CCNB3: variants seen among roughly 807,000 people sequenced by gnomAD.
The protein encoded by CCNB3 is G2/mitotic-specific cyclin-B3.
In CCNB3, 12 loss-of-function variants were observed where a neutral mutation model predicts 68.0. The observed-to-expected ratio is 0.18, with a 90% CI of 0.11 to 0.29. The LOEUF (loss-of-function observed/expected upper bound fraction) is 0.29. CCNB3 is among the 10% of genes least tolerant of loss of function. CCNB3 has a pLI of 1.00. For missense variants in CCNB3, 904 were observed against 993.1 expected, an observed-to-expected ratio of 0.91 and a Z score of 1.21; for synonymous variants, 354 against 388.9, an observed-to-expected ratio of 0.91 and a Z score of 1.06.
At chrX:50,306,500 T>G (rs1921081834) in intron 5 of CCNB3, among the ~76,000 whole-genome samples, 1 of 112,053 alleles carries the variant, frequency 8.9e-6, no homozygotes, top group Admixed American at 9.5e-5. Flanking sequence ...ACCTCTAGTA[T>G]AATGTTGAAT....
chrX:50,327,724 G>A (rs940875623), intron 8 of CCNB3, among the ~76,000 whole-genome samples: 5 of 111,642 alleles, frequency 4.5e-5, no homozygotes, highest in Non-Finnish European at 7.5e-5. Context: ...GCATGAGCTC[G>A]TCCCATCCCT....
rs782795247 is a variant in CCNB3, at chrX:50,302,009, C to T, written c.336-6496C>T. Among the ~76,000 whole-genome samples the T allele has an allele frequency of 1.7e-3, 196 of 112,522 alleles. 1 individual carries two copies. The highest frequency in any genetic ancestry group is 3.3e-3 in the Admixed American group (35 of 10,702). On this transcript the variant is annotated intron_variant, in intron 5 of 12. Coordinates refer to ENST00000376042, the MANE Select transcript of CCNB3 (RefSeq NM_033031.3). ...AGCGCAGTATTAGGGTGGGAGTGAC[C>T]GGATTTTCCAGGTGCCATCTGTCAC...
intron 1 of CCNB3, among the ~76,000 whole-genome samples, chrX:50,226,620 T>C (rs1169009453): frequency 1.2e-5 from 1 of 80,628 alleles, no homozygotes; most frequent in Non-Finnish European, 2.2e-5. Context: ...TAAATATATA[T>C]ATAGAATATA....
intron 8 of CCNB3, chrX:50,341,924 G>A (rs782235259): frequency 2.6e-5 from 7 of 264,773 alleles, no homozygotes; most frequent in Non-Finnish European, 4.0e-5. Context: ...GAGAGGATGT[G>A]TCCACTCAAG....
intron 1 of CCNB3, among the ~76,000 whole-genome samples, chrX:50,220,550 G>C (rs1935652167): frequency 8.9e-6 from 1 of 112,021 alleles, no homozygotes; most frequent in Admixed American, 9.5e-5. Context: ...CATTGGTTCT[G>C]TTTATGTGAT....
At chrX:50,322,667 T>C (rs1407963786) in intron 8 of CCNB3, among the ~76,000 whole-genome samples, 9 of 111,983 alleles carry the variant, frequency 8.0e-5, no homozygotes, top group Non-Finnish European at 1.3e-4. Context: ...TTTTGCAATC[T>C]ACTCATCTGA....
At chrX:50,312,867 A>G (rs1454315343) in intron 7 of CCNB3, among the ~76,000 whole-genome samples, 1 of 111,360 alleles carries the variant, frequency 9.0e-6, no homozygotes, top group Non-Finnish European at 1.9e-5. Flanking sequence ...CCTCTTACAG[A>G]TAGAGGAAAC....
At chrX:50,217,637 C>CT (rs1241400411) in intron 1 of CCNB3, among the ~76,000 whole-genome samples, 1 of 111,035 alleles carries the variant, frequency 9.0e-6, no homozygotes, top group African/African-American at 3.3e-5. Context: ...GAGCTGTTTT[C>CT]TTTTAGTTTT....
chrX:50,308,279 T>C (rs1557213810), intron 5 of CCNB3, among the ~76,000 whole-genome samples: 1 of 112,237 alleles, frequency 8.9e-6, no homozygotes, highest in Non-Finnish European at 1.9e-5. Flanking sequence ...TGAATTTCTA[T>C]GGAAAAATTA....
Position 50,204,815 on chromosome X carries a change from C to CCT in CCNB3, c.-229_-228dup, listed in dbSNP as rs201606857. 0.38 allele frequency: 39,001 copies of CCT among 101,866 alleles called. 6,829 individuals are homozygous for CCT. Among genetic ancestry groups the CCT allele is most frequent in the South Asian group, 0.54 (1,145 of 2,112 alleles). The allele number at this position is 101,866 out of a possible 1,213,427, so 8.4% of individuals were successfully genotyped here. ...ACAGTTGGGCTGAGGCGGTTGGTCG[C>CCT]CTCTCTCTCTCTCTCTCTCTGTTCC... is the stretch of plus-strand genomic sequence containing the variant. On this transcript the variant is annotated 5_prime_UTR_variant, in exon 1 of 13. Transcript: ENST00000376042.
At chrX:50,302,220 G>T (rs782346720) in intron 5 of CCNB3, among the ~76,000 whole-genome samples, 1 of 111,934 alleles carries the variant, frequency 8.9e-6, no homozygotes, top group African/African-American at 3.2e-5. Flanking sequence ...CGTCTTCTGC[G>T]TTGCTCATGC....
At chrX:50,210,193 G>T (rs934585523) in intron 1 of CCNB3, among the ~76,000 whole-genome samples, 8 of 111,125 alleles carry the variant, frequency 7.2e-5, no homozygotes, top group African/African-American at 9.8e-5. Context: ...AGAGGTATAG[G>T]GAGGAGAAGA....
At chrX:50,298,765 A>G (rs1394307914) in intron 5 of CCNB3, among the ~76,000 whole-genome samples, 1 of 110,982 alleles carries the variant, frequency 9.0e-6, no homozygotes, top group Non-Finnish European at 1.9e-5. Flanking sequence ...CTGGTCCTGG[A>G]CTTTTTTTGG....
chrX:50,285,034 G>A, intron 2 of CCNB3, 93 bp from the exon 3 acceptor site: 1 of 489,682 alleles, frequency 2.0e-6, no homozygotes, highest in Non-Finnish European at 3.5e-6. Flanking sequence ...TTCTCCTAGG[G>A]ATGCTATAGA....
chrX:50,318,479 CTCCA>C (rs1921852165), intron 8 of CCNB3, among the ~76,000 whole-genome samples: 1 of 111,637 alleles, frequency 9.0e-6, no homozygotes. Flanking sequence ...GGCCACTGCA[CTCCA>C]GCCTGGGCGA....
intron 1 of CCNB3, among the ~76,000 whole-genome samples, chrX:50,280,270 GATATAA>G (rs1936112122): frequency 1.4e-5 from 1 of 73,342 alleles, no homozygotes; most frequent in Non-Finnish European, 2.7e-5. Context: ...ATAGAATATA[GATATAA>G]ATATATGTAT....
At chrX:50,226,056 T>G (rs1370017570) in intron 1 of CCNB3, among the ~76,000 whole-genome samples, 1 of 89,120 alleles carries the variant, frequency 1.1e-5, no homozygotes, top group Non-Finnish European at 2.1e-5. Context: ...CAAATATATA[T>G]AGAATATATA....
At chrX:50,226,923 GAATA>G (rs1299965532) in intron 1 of CCNB3, among the ~76,000 whole-genome samples, 5 of 60,605 alleles carry the variant, frequency 8.3e-5, no homozygotes, top group African/African-American at 4.5e-4. Context: ...TATATATATA[GAATA>G]TATATAGTAT....
At chrX:50,224,399 T>G (rs1408550631) in intron 1 of CCNB3, among the ~76,000 whole-genome samples, 1 of 111,653 alleles carries the variant, frequency 9.0e-6, no homozygotes, top group African/African-American at 3.2e-5. Flanking sequence ...CAAAGGGCTG[T>G]CTTCTCTTTC....
Sources: allele counts gnomAD v4.1 joint callset (sites outside exome capture counted in the v4.1 genomes callset), GRCh38; gene constraint gnomAD v4.1.1; transcripts MANE v1.5; gene names NCBI Gene and HGNC (gene_info 2026-07-23, HGNC 2026-07-21).